Variants in ATP2B4 observed in about 807,000 individuals in gnomAD.
ATP2B4 encodes the protein ATPase plasma membrane Ca2+ transporting 4.
ATP2B4 carries 39 observed loss-of-function variants against 110.3 expected under a neutral mutation model. The observed-to-expected ratio is 0.35, with a 90% confidence interval of 0.27 to 0.46. The LOEUF (loss-of-function observed/expected upper bound fraction) is 0.46, where lower values mean the gene tolerates loss of function less well. Among genes scored for constraint, ATP2B4 ranks in the 20% least tolerant of loss-of-function variants. The probability of loss-of-function intolerance (pLI) is 1.00; values close to 1 mark genes in which losing one functional copy is unlikely to be tolerated. For synonymous variants in ATP2B4, 538 were observed against 571.7 expected, an observed-to-expected ratio of 0.94 and a Z score of 0.84; for missense variants, 1,135 against 1,530.9, an observed-to-expected ratio of 0.74 and a Z score of 4.32.
At chr1:203,719,225 G>GAAAAAAAAAAA (rs60841821) in intron 15 of ATP2B4, among the ~76,000 whole-genome samples, 23 of 54,410 alleles carry the variant, frequency 4.2e-4, no homozygotes, top group African/African-American at 1.7e-3. Flanking sequence ...ACCCTGTCTC[G>GAAAAAAAAAAA]AAAAAAAAAA....
At chr1:203,712,875 C>G (rs550136577) in intron 13 of ATP2B4, among the ~76,000 whole-genome samples, 40 of 152,212 alleles carry the variant, frequency 2.6e-4, no homozygotes, top group African/African-American at 9.4e-4. Context: ...CCCGAGCCAA[C>G]AGCCAACCCT....
chr1:203,727,707 C>G (rs1666565983), intron 20 of ATP2B4, 136 bp downstream of exon 20: 1 of 1,092,922 alleles, frequency 9.1e-7, no homozygotes, highest in African/African-American at 1.6e-5. Context: ...GCCCTAGATC[C>G]TCAGCTTCAG....
chr1:203,734,528 G>A (rs989531976), intron 20 of ATP2B4, among the ~76,000 whole-genome samples: 9 of 151,908 alleles, frequency 5.9e-5, no homozygotes, highest in Non-Finnish European at 8.8e-5. Flanking sequence ...CCAACATGGC[G>A]AAACCCTGTC....
intron 17 of ATP2B4, 52 bp downstream of exon 17, chr1:203,721,462 G>A (rs777130887): frequency 4.1e-5 from 64 of 1,566,252 alleles, no homozygotes; most frequent in East Asian, 1.6e-4. Flanking sequence ...GGAGGTGGGG[G>A]CAGAGAAAGA....
chr1:203,698,410 C>G, intron 3 of ATP2B4, 56 bp downstream of exon 3: 2 of 1,558,906 alleles, frequency 1.3e-6, no homozygotes, highest in Non-Finnish European at 1.8e-6. Flanking sequence ...CCACCACCAC[C>G]ACCAAGCGCT....
Position 203,734,684 on chromosome 1 carries a change from C to T in ATP2B4, c.3310-4862C>T, listed in dbSNP as rs558992299. Among the ~76,000 whole-genome samples the T allele has an allele frequency of 3.1e-3, 421 of 135,328 alleles. 2 individuals carry two copies. Among genetic ancestry groups the T allele is most frequent in the African/African-American group, 0.01 (361 of 35,264 alleles). 88.8% of individuals were successfully genotyped at this position (135,328 alleles called of 152,430 possible). ...TAGCACCATTGCACTCCAACCTGGG[C>T]TACAGAGTGAGACTCCATCTCAAAA... On this transcript the variant is annotated intron_variant, in intron 20 of 20. Coordinates refer to ENST00000357681, the MANE Select transcript of ATP2B4 (RefSeq NM_001684.5).
intron 1 of ATP2B4, among the ~76,000 whole-genome samples, chr1:203,677,536 C>T (rs995659328): frequency 3.3e-5 from 5 of 152,220 alleles, no homozygotes; most frequent in African/African-American, 7.2e-5. Flanking sequence ...GATCTTGGCT[C>T]ACTGTAGCCT....
intron 1 of ATP2B4, among the ~76,000 whole-genome samples, chr1:203,654,573 A>G (rs1412846402): frequency 6.6e-6 from 1 of 152,240 alleles, no homozygotes; most frequent in Non-Finnish European, 1.5e-5. Context: ...TCTGGAAAGA[A>G]TCCACCATTC....
At chr1:203,648,452 G>A (rs1041112948) in intron 1 of ATP2B4, among the ~76,000 whole-genome samples, 4 of 152,128 alleles carry the variant, frequency 2.6e-5, no homozygotes, top group African/African-American at 9.7e-5. Flanking sequence ...CTGTGCTTGT[G>A]GTGGGCCACT....
At position 203,727,590 on chromosome 1, in the gene ATP2B4, G is replaced by A. The variant is rs776663358; in HGVS notation, c.3309+19G>A. ...GACTCAGGTACTCTGATAGTGGTCT[G>A]TCCTTCCCTTGGGAGAAGCAGCTTC... On this transcript the variant is annotated intron_variant, in intron 20 of 20. Transcript: ENST00000357681. 5.0e-6 allele frequency: 8 copies of A among 1,611,656 alleles called. No homozygotes were observed. Among genetic ancestry groups the A allele is most frequent in the Admixed American group, 1.7e-5 (1 of 59,606 alleles).
intron 1 of ATP2B4, among the ~76,000 whole-genome samples, chr1:203,644,900 T>C (rs1315746630): frequency 6.6e-6 from 1 of 152,212 alleles, no homozygotes; most frequent in Non-Finnish European, 1.5e-5. Context: ...AGCCCCGCTC[T>C]GTATGACTCT....
At chr1:203,637,652 C>T (rs112950988) in intron 1 of ATP2B4, among the ~76,000 whole-genome samples, 2,140 of 152,256 alleles carry the variant, frequency 0.014, 53 homozygotes, top group African/African-American at 0.049. Context: ...CCCTCCTTGC[C>T]AATCCAGACT....
chr1:203,629,099 G>A lies in ATP2B4; in HGVS notation c.-465+1880G>A, dbSNP rs1046194030. ...AAACACTTAGAGGAGAGCTCATCTC[G>A]GGGCTGGGGATGCAACAGGAACGAT... On this transcript the variant is annotated intron_variant, in intron 1 of 20. Transcript: ENST00000357681. The surrounding 1 kb of genome is among the most constrained non-coding windows in gnomAD (Gnocchi z 4.6). 6.6e-6 allele frequency among the ~76,000 whole-genome samples: 1 copy of A among 152,190 alleles called. No individual in the cohort carries two copies. The highest frequency in any genetic ancestry group is 6.5e-5 in the Admixed American group (1 of 15,282).
chr1:203,697,127 T>G (rs1364888235), intron 2 of ATP2B4, among the ~76,000 whole-genome samples: 1 of 152,232 alleles, frequency 6.6e-6, no homozygotes, highest in Non-Finnish European at 1.5e-5. Flanking sequence ...TTTGTGCCTC[T>G]GTGAGTGTGT....
At chr1:203,695,768 C>T (rs755412783) in intron 2 of ATP2B4, among the ~76,000 whole-genome samples, 9 of 145,306 alleles carry the variant, frequency 6.2e-5, no homozygotes, top group Non-Finnish European at 9.1e-5. Context: ...ATGTATGTCT[C>T]CTGATGCTTT....
At chr1:203,704,528 T>C (rs1158947629) in intron 8 of ATP2B4, among the ~76,000 whole-genome samples, 2 of 131,612 alleles carry the variant, frequency 1.5e-5, no homozygotes, top group Non-Finnish European at 3.1e-5. Flanking sequence ...TTGCCCAGGA[T>C]GGAGTGCAGT....
rs531550469 is a variant in ATP2B4, at chr1:203,647,651, C to T, written c.-465+20432C>T. 2.6e-5 allele frequency among the ~76,000 whole-genome samples: 4 copies of T among 151,792 alleles called. 1 individual carries two copies. Among genetic ancestry groups the T allele is most frequent in the South Asian group, 4.2e-4 (2 of 4,794 alleles). On this transcript the variant is annotated intron_variant, in intron 1 of 20. Transcript: ENST00000357681. ...GTGCATGTCTGTGGTCTCAGTTACT[C>T]GGGAGGCTGAGGTGGGAGGCTTGCT... is the stretch of plus-strand genomic sequence containing the variant.
chr1:203,726,528 A>T (rs1263082031), intron 19 of ATP2B4, among the ~76,000 whole-genome samples: 1 of 151,546 alleles, frequency 6.6e-6, no homozygotes, highest in East Asian at 1.9e-4. Context: ...CTCTTGCCTC[A>T]CATGTGGCCA....
At chr1:203,722,985 G>T (rs995587402) in intron 18 of ATP2B4, among the ~76,000 whole-genome samples, 1 of 152,042 alleles carries the variant, frequency 6.6e-6, no homozygotes, top group African/African-American at 2.4e-5. Context: ...ATGACCAAAA[G>T]AAGTATTCTC....
Sources: gnomAD v4.1 joint callset for allele counts (sites outside exome capture counted in the v4.1 genomes callset) on GRCh38, gnomAD v4.1.1 for gene constraint, Gnocchi (gnomAD v3.1) non-coding constraint, MANE v1.5 for transcripts, NCBI Gene and HGNC (gene_info 2026-07-23, HGNC 2026-07-21) for gene names.